The following KCND3 variants were observed in gnomAD, a reference collection of about 807,000 sequenced individuals.
KCND3 encodes the protein A-type voltage-gated potassium channel KCND3.
Under a neutral mutation model 51.1 loss-of-function variants are expected in KCND3, and 9 were observed. That is an observed-to-expected ratio of 0.18 (90% confidence interval 0.11 to 0.31). The LOEUF (loss-of-function observed/expected upper bound fraction) is 0.31, where lower values mean the gene tolerates loss of function less well. KCND3 is among the 10% of genes least tolerant of loss of function. The pLI, the probability that KCND3 is intolerant of heterozygous loss-of-function variation, is 1.00. For synonymous variants in KCND3, 349 were observed against 368.0 expected (o/e 0.95, Z 0.59); for missense variants, 526 against 903.8 (o/e 0.58, Z 5.36).
At chr1:111,805,284 C>A (rs1489226427) in intron 2 of KCND3, among the ~76,000 whole-genome samples, 2 of 152,224 alleles carry the variant, frequency 1.3e-5, no homozygotes, top group African/African-American at 2.4e-5. Flanking sequence ...GCCCAGTCCA[C>A]CAGACAGGGC....
At chr1:111,939,057 A>C (rs1392695217) in intron 2 of KCND3, among the ~76,000 whole-genome samples, 1 of 152,170 alleles carries the variant, frequency 6.6e-6, no homozygotes, top group African/African-American at 2.4e-5. Flanking sequence ...TATTAGAAGA[A>C]TCACAGGCCT....
At chr1:111,943,158 G>A (rs61788958) in intron 2 of KCND3, among the ~76,000 whole-genome samples, 13,703 of 152,134 alleles carry the variant, frequency 0.09, 665 homozygotes, top group Middle Eastern at 0.15. Flanking sequence ...ACGGGGCGGG[G>A]TGGCATTCTA....
intron 2 of KCND3, among the ~76,000 whole-genome samples, chr1:111,882,640 G>A (rs1427038785): frequency 6.6e-6 from 1 of 152,188 alleles, no homozygotes; most frequent in Non-Finnish European, 1.5e-5. Context: ...TGCAGGGGGC[G>A]AGGGTGTGGG....
chr1:111,864,430 C>T (rs1226820984), intron 2 of KCND3, among the ~76,000 whole-genome samples: 2 of 152,146 alleles, frequency 1.3e-5, no homozygotes, highest in Admixed American at 6.5e-5. Context: ...ATTCATTTCT[C>T]GCTCACTCTC....
intron 2 of KCND3, among the ~76,000 whole-genome samples, chr1:111,788,403 GAGA>G (rs1443714227): frequency 6.6e-6 from 1 of 152,196 alleles, no homozygotes; most frequent in Non-Finnish European, 1.5e-5. Flanking sequence ...TGGGTTTCCA[GAGA>G]AGATGTGGAA....
intron 2 of KCND3, among the ~76,000 whole-genome samples, chr1:111,974,516 G>A (rs965250791): frequency 1.3e-5 from 2 of 152,206 alleles, no homozygotes; most frequent in Non-Finnish European, 2.9e-5. Context: ...GAGACTCAGA[G>A]CTAAAAGTCT....
At position 111,775,849 on chromosome 1, in the gene KCND3, C is replaced by T; in HGVS notation, c.*228G>A. 4.0e-6 allele frequency: 1 copy of T among 247,780 alleles called. No individual in the cohort carries two copies. Among genetic ancestry groups the T allele is most frequent in the Non-Finnish European group, 8.1e-6 (1 of 123,348 alleles). The allele number at this position is 247,780 out of a possible 1,614,324, so 15.3% of individuals were successfully genotyped here. On this transcript the variant is annotated 3_prime_UTR_variant, in exon 8 of 8. Coordinates refer to ENST00000302127, the MANE Select transcript of KCND3 (RefSeq NM_001378969.1). ...CCCACCCTCCCTCCCTTCCTCTGGC[C>T]CCAGTGAGATGCAGTATCACAGGGC...
intron 2 of KCND3, among the ~76,000 whole-genome samples, chr1:111,955,094 A>G (rs1405926354): frequency 6.6e-6 from 1 of 151,976 alleles, no homozygotes; most frequent in Non-Finnish European, 1.5e-5. Context: ...TACTTCCTTC[A>G]TCTCCTGTAG....
chr1:111,932,818 AGAT>A (rs1164064241), intron 2 of KCND3, among the ~76,000 whole-genome samples: 2 of 152,180 alleles, frequency 1.3e-5, no homozygotes, highest in Non-Finnish European at 2.9e-5. Flanking sequence ...GGTGGCCTGG[AGAT>A]TTAAAAAGAA....
intron 2 of KCND3, among the ~76,000 whole-genome samples, chr1:111,924,309 A>T (rs1671601993): frequency 6.6e-6 from 1 of 152,262 alleles, no homozygotes; most frequent in South Asian, 2.1e-4. Context: ...TAATACAGCT[A>T]TAAAGTGGTC....
intron 2 of KCND3, among the ~76,000 whole-genome samples, chr1:111,979,438 A>G (rs1244840303): frequency 6.6e-6 from 1 of 152,246 alleles, no homozygotes; most frequent in African/African-American, 2.4e-5. Flanking sequence ...TGCCTGGCAT[A>G]TAGTACTCAT....
intron 1 of KCND3, among the ~76,000 whole-genome samples, chr1:111,983,460 C>T (rs901968672): frequency 3.3e-5 from 5 of 152,134 alleles, no homozygotes; most frequent in Admixed American, 6.5e-5. Context: ...CTACTCCTTG[C>T]CCTAGCAACC....
rs968029447 is a variant in KCND3 at position 111,981,384 on chromosome 1, A to G, written c.1106+237T>C. Among the ~76,000 whole-genome samples the G allele has an allele frequency of 6.6e-6, 1 of 152,116 alleles. No homozygotes were observed. The highest frequency in any genetic ancestry group is 1.5e-5 in the Non-Finnish European group (1 of 68,024). ...AAAGAATTGGTGACTTAATTTTCTT[A>G]GCTCTATAAAACACATGCCCCGACC... On this transcript the variant is annotated intron_variant, in intron 2 of 7. Transcript: ENST00000302127. The surrounding 1 kb of genome is among the most constrained non-coding windows in gnomAD (Gnocchi z 6.2).
intron 2 of KCND3, among the ~76,000 whole-genome samples, chr1:111,868,292 A>G (rs1668669454): frequency 6.6e-6 from 1 of 152,160 alleles, no homozygotes; most frequent in South Asian, 2.1e-4. Context: ...TCCGCTGTCC[A>G]CGCTACCTGC....
chr1:111,957,818 G>C (rs1263736578), intron 2 of KCND3, among the ~76,000 whole-genome samples: 1 of 152,160 alleles, frequency 6.6e-6, no homozygotes, highest in East Asian at 1.9e-4. Context: ...GGCTGCTTTT[G>C]TGCTACAACA....
intron 2 of KCND3, among the ~76,000 whole-genome samples, chr1:111,826,192 C>A (rs1424360481): frequency 6.6e-6 from 1 of 152,126 alleles, no homozygotes; most frequent in Non-Finnish European, 1.5e-5. Flanking sequence ...TTTGCACGAG[C>A]TCTTTATATA....
At chr1:111,784,948 A>G (rs965318923) in intron 3 of KCND3, among the ~76,000 whole-genome samples, 1 of 152,052 alleles carries the variant, frequency 6.6e-6, no homozygotes, top group Non-Finnish European at 1.5e-5. Context: ...GAGAGCTGGG[A>G]GCACGCCTGT....
intron 2 of KCND3, among the ~76,000 whole-genome samples, chr1:111,928,398 C>T (rs1557724773): frequency 2.0e-5 from 3 of 152,094 alleles, no homozygotes; most frequent in African/African-American, 7.2e-5. Context: ...TACCTTCCCA[C>T]AAAAAACGCA....
chr1:111,786,062 G>A (rs1664592097), intron 3 of KCND3, among the ~76,000 whole-genome samples: 2 of 152,224 alleles, frequency 1.3e-5, no homozygotes, highest in South Asian at 4.1e-4. Context: ...GGGCACCACA[G>A]TTCAGCCCAG....
Sources: gnomAD v4.1 joint callset for allele counts (sites outside exome capture counted in the v4.1 genomes callset) on GRCh38, gnomAD v4.1.1 for gene constraint, Gnocchi (gnomAD v3.1) non-coding constraint, MANE v1.5 for transcripts, NCBI Gene and HGNC (gene_info 2026-07-23, HGNC 2026-07-21) for gene names.